Variants in MB21D2 observed in about 807,000 individuals in gnomAD.
MB21D2 encodes the protein nucleotidyltransferase MB21D2.
Under a neutral mutation model 33.3 loss-of-function variants are expected in MB21D2, and 9 were observed. The ratio of observed to expected loss-of-function variants is 0.27; its 90% CI spans 0.16 to 0.47. The LOEUF (loss-of-function observed/expected upper bound fraction) is 0.47, where lower values mean the gene tolerates loss of function less well. MB21D2 is among the 20% of genes least tolerant of loss of function. The pLI is 0.99. For synonymous variants in MB21D2, 241 were observed against 236.3 expected, an observed-to-expected ratio of 1.02 and a Z score of -0.18; for missense variants, 540 against 624.6, an observed-to-expected ratio of 0.86 and a Z score of 1.44.
At chr3:192,916,062 T>G (rs1714456109) in intron 1 of MB21D2, among the ~76,000 whole-genome samples, 1 of 150,860 alleles carries the variant, frequency 6.6e-6, no homozygotes, top group Non-Finnish European at 1.5e-5. Flanking sequence ...TGTAAGCATT[T>G]TAGGCTTCCC....
Position 192,855,208 on chromosome 3 carries a change from C to T in MB21D2, c.212-55558G>A, listed in dbSNP as rs185014508. Among the ~76,000 whole-genome samples, 179 of 152,278 alleles carry T rather than the reference C, an allele frequency of 1.2e-3. No individual in the cohort carries two copies. The Middle Eastern group carries it at 0.02, about 17-fold the overall frequency. ...CTGTCTCCCAGGTTCAAGCAATTCT[C>T]CTGCCTCAGCCTCCCGAGCAGCTGG... On this transcript the variant is annotated intron_variant, in intron 1 of 1. Coordinates refer to ENST00000392452, the MANE Select transcript of MB21D2 (RefSeq NM_178496.4).
In MB21D2 at chr3:192,870,706, A is replaced by AAAAAG. The variant is rs1165258261; in HGVS notation, c.211+46923_211+46924insCTTTT. 2.0e-4 allele frequency among the ~76,000 whole-genome samples: 28 copies of AAAAAG among 139,132 alleles called. 3 individuals are homozygous for AAAAAG. The highest frequency in any genetic ancestry group is 8.5e-4 in the African/African-American group (28 of 33,030). The allele number at this position is 139,132 out of a possible 152,430, so 91.3% of individuals were successfully genotyped here. A position where few individuals can be genotyped will look rare whatever the true frequency, so the allele number is the denominator to read the frequency against. On this transcript the variant is annotated intron_variant, in intron 1 of 1. Coordinates refer to ENST00000392452, the MANE Select transcript of MB21D2 (RefSeq NM_178496.4). ...AGCCTGGGCGACTCCGTTGAAAAAA[A>AAAAAG]AAAAAAAAAAAAAGGAAGGAGAGAA...
At chr3:192,917,484 G>C in intron 1 of MB21D2, 146 bp downstream of exon 1, 9 of 720,438 alleles carry the variant, frequency 1.2e-5, no homozygotes, top group Non-Finnish European at 2.1e-5. Context: ...AGAAGAGAGA[G>C]GCGGAACAGA....
rs540130270 is a variant in MB21D2, at chr3:192,857,937, C to T, written c.212-58287G>A. Among the ~76,000 whole-genome samples the T allele has an allele frequency of 2.6e-5, 4 of 152,200 alleles. No individual in the cohort carries two copies. In the South Asian group the frequency reaches 8.3e-4, roughly 32 times the overall value. ...GTTGGGAGTTCGAGACCAGCCTGGC[C>T]AACATGGAGAAACCCTATCTCTACT... On this transcript the variant is annotated intron_variant, in intron 1 of 1. Transcript: ENST00000392452.
At chr3:192,899,458 A>T (rs1714047074) in intron 1 of MB21D2, among the ~76,000 whole-genome samples, 1 of 151,666 alleles carries the variant, frequency 6.6e-6, no homozygotes, top group East Asian at 1.9e-4. Context: ...GAACCCAGGA[A>T]GTGGAGGTTG....
chr3:192,798,550 G>A lies in MB21D2; in HGVS notation c.1312C>T (p.Pro438Ser). The stretch of plus-strand genomic sequence containing the variant: ...TCCCCTCCGTCAGACTGTGGAGAGG[G>A]GATGCTGGTGGTGCTACCTCGCCTC... ...LQRRGSTTSI[P>S]SPQSDGGDPN... Residue 438 changes from proline (P) to serine (S), a missense_variant, in exon 2 of 2, where the codon CCC becomes TCC. Coordinates refer to ENST00000392452, the MANE Select transcript of MB21D2 (RefSeq NM_178496.4). The surrounding 1 kb of genome is among the most constrained non-coding windows in gnomAD (Gnocchi z 4.8). 1 of 1,614,200 alleles carries A rather than the reference G, an allele frequency of 6.2e-7. No homozygotes were observed. Among genetic ancestry groups the A allele is most frequent in the Admixed American group, 1.7e-5 (1 of 60,028 alleles).
rs1219604265 is a variant in MB21D2 at position 192,911,572 on chromosome 3, G to A, written c.211+6058C>T. ...ATCTCTAGGGAATTCGGATTCAATA[G>A]GTCTGAATGGGACCAGAGATTTTGA... On this transcript the variant is annotated intron_variant, in intron 1 of 1. Transcript: ENST00000392452. 2.0e-5 allele frequency among the ~76,000 whole-genome samples: 3 copies of A among 152,162 alleles called. No homozygotes were observed. In the South Asian group the frequency reaches 6.2e-4, roughly 32 times the overall value.
intron 1 of MB21D2, among the ~76,000 whole-genome samples, chr3:192,917,279 G>A (rs888822220): frequency 6.6e-6 from 1 of 152,236 alleles, no homozygotes; most frequent in Non-Finnish European, 1.5e-5. Context: ...AGGCACCTCA[G>A]GGGCTCACCT....
chr3:192,917,404 G>A (rs567665612), intron 1 of MB21D2, among the ~76,000 whole-genome samples: 20 of 152,336 alleles, frequency 1.3e-4, no homozygotes, highest in African/African-American at 4.6e-4. Context: ...AAGCGAACAG[G>A]GGGAAAGGGA....
chr3:192,825,011 T>C (rs1353571800), intron 1 of MB21D2, among the ~76,000 whole-genome samples: 2 of 152,188 alleles, frequency 1.3e-5, no homozygotes, highest in Non-Finnish European at 2.9e-5. Context: ...TATGTCTAGC[T>C]TAGCGGTCCT....
intron 1 of MB21D2, among the ~76,000 whole-genome samples, chr3:192,847,275 C>T (rs920668041): frequency 5.3e-5 from 8 of 152,160 alleles, no homozygotes; most frequent in African/African-American, 1.7e-4. Flanking sequence ...ATTTAATTAT[C>T]TAGAGATTAA....
intron 1 of MB21D2, among the ~76,000 whole-genome samples, chr3:192,816,072 A>G (rs1218348105): frequency 6.6e-6 from 1 of 152,160 alleles, no homozygotes; most frequent in Non-Finnish European, 1.5e-5. Flanking sequence ...AGAGGTGTAC[A>G]ATTTCCAAAG....
intron 1 of MB21D2, among the ~76,000 whole-genome samples, chr3:192,877,870 C>A (rs1009386380): frequency 6.6e-6 from 1 of 151,678 alleles, no homozygotes; most frequent in African/African-American, 2.4e-5. Flanking sequence ...TTCTGATGGG[C>A]ATTTCTGTTG....
intron 1 of MB21D2, among the ~76,000 whole-genome samples, chr3:192,904,259 C>A (rs1714160900): frequency 6.6e-6 from 1 of 152,106 alleles, no homozygotes; most frequent in Non-Finnish European, 1.5e-5. Flanking sequence ...CACGATTCTG[C>A]CCCAAACTAG....
chr3:192,810,118 A>G (rs928690606), intron 1 of MB21D2, among the ~76,000 whole-genome samples: 5 of 152,204 alleles, frequency 3.3e-5, no homozygotes, highest in Non-Finnish European at 5.9e-5. Context: ...CTAATGGAAG[A>G]AAGTCTTTTC....
chr3:192,802,865 G>T (rs1711586338), intron 1 of MB21D2, among the ~76,000 whole-genome samples: 1 of 152,206 alleles, frequency 6.6e-6, no homozygotes, highest in Non-Finnish European at 1.5e-5. Context: ...ATGCTGTGTT[G>T]TGGTTAGTAA....
chr3:192,858,065 C>T (rs867171817), intron 1 of MB21D2, among the ~76,000 whole-genome samples: 2 of 152,082 alleles, frequency 1.3e-5, no homozygotes, highest in Non-Finnish European at 2.9e-5. Context: ...ATGGAGGTTG[C>T]GGTGAGCCAA....
chr3:192,838,063 G>A (rs545948846), intron 1 of MB21D2, among the ~76,000 whole-genome samples: 68 of 152,312 alleles, frequency 4.5e-4, no homozygotes, highest in African/African-American at 1.6e-3. Context: ...ATGAAGCTGC[G>A]GCAACATCAC....
In MB21D2 at chr3:192,812,032, C is replaced by G. The variant is rs187806537; in HGVS notation, c.212-12382G>C. Among the ~76,000 whole-genome samples the G allele has an allele frequency of 2.0e-5, 3 of 151,932 alleles. No homozygotes were observed. In the East Asian group the frequency reaches 5.8e-4, roughly 29 times the overall value. On this transcript the variant is annotated intron_variant, in intron 1 of 1. Coordinates refer to ENST00000392452, the MANE Select transcript of MB21D2 (RefSeq NM_178496.4). ...GTCCGTACTTTCTTTTGTGTGTGTG[C>G]GTGTTTTGTTTTTTTTGCTTTTTTA... is the stretch of plus-strand genomic sequence containing the variant.
Sources: allele counts gnomAD v4.1 joint callset (sites outside exome capture counted in the v4.1 genomes callset), GRCh38; gene constraint gnomAD v4.1.1; non-coding constraint Gnocchi (gnomAD v3.1); transcripts MANE v1.5; gene names NCBI Gene and HGNC (gene_info 2026-07-23, HGNC 2026-07-21).